The following UBE2E2 variants were observed in gnomAD, a reference collection of about 807,000 sequenced individuals.
The protein encoded by UBE2E2 is ubiquitin conjugating enzyme E2 E2.
In UBE2E2, 6 loss-of-function variants were observed where a neutral mutation model predicts 24.7. The observed-to-expected ratio is 0.24, with a 90% CI of 0.13 to 0.48. UBE2E2 has a LOEUF of 0.48. Among genes scored for constraint, UBE2E2 ranks in the 20% least tolerant of loss-of-function variants. UBE2E2 has a pLI of 0.99. For synonymous variants in UBE2E2, 104 were observed against 83.6 expected (o/e 1.24, Z -1.33); for missense variants, 169 against 245.0 (o/e 0.69, Z 2.07).
intron 4 of UBE2E2, among the ~76,000 whole-genome samples, chr3:23,517,647 T>A (rs1273684997): frequency 1.3e-5 from 2 of 152,230 alleles, no homozygotes; most frequent in Non-Finnish European, 2.9e-5. Context: ...TTGTTCCCTT[T>A]GTAAATAAAC....
intron 3 of UBE2E2, among the ~76,000 whole-genome samples, chr3:23,236,695 G>A (rs1260686717): frequency 6.6e-6 from 1 of 152,102 alleles, no homozygotes; most frequent in Non-Finnish European, 1.5e-5. Context: ...TGAGAAAGCT[G>A]TCAGAAATGT....
intron 5 of UBE2E2, among the ~76,000 whole-genome samples, chr3:23,533,619 A>ATTTTTTTT (rs759984741): frequency 3.1e-4 from 34 of 108,518 alleles, no homozygotes; most frequent in South Asian, 6.4e-4. Context: ...GCAAATTAGT[A>ATTTTTTTT]TTTTTTTTTT....
chr3:23,257,385 C>T (rs1300617757), intron 3 of UBE2E2, among the ~76,000 whole-genome samples: 1 of 151,834 alleles, frequency 6.6e-6, no homozygotes, highest in African/African-American at 2.4e-5. Context: ...ATTTCTGCTT[C>T]TGCCTAAGGG....
At chr3:23,376,114 G>C (rs921476812) in intron 3 of UBE2E2, among the ~76,000 whole-genome samples, 3 of 152,222 alleles carry the variant, frequency 2.0e-5, no homozygotes, top group Admixed American at 2.0e-4. Flanking sequence ...TTAAATGTAT[G>C]TGCCATGTAT....
intron 5 of UBE2E2, among the ~76,000 whole-genome samples, chr3:23,562,072 C>T (rs1695944931): frequency 6.6e-6 from 1 of 152,104 alleles, no homozygotes. Context: ...CTTTCTCCTG[C>T]CTAATTGCCC....
At chr3:23,455,381 T>A (rs1698656028) in intron 3 of UBE2E2, among the ~76,000 whole-genome samples, 1 of 152,216 alleles carries the variant, frequency 6.6e-6, no homozygotes, top group Non-Finnish European at 1.5e-5. Context: ...AAGTGTGCAG[T>A]GACTTTATGT....
At chr3:23,484,414 AG>A (rs1699318524) in intron 3 of UBE2E2, among the ~76,000 whole-genome samples, 1 of 152,232 alleles carries the variant, frequency 6.6e-6, no homozygotes. Flanking sequence ...GGTATAAGAC[AG>A]GGTGAAGAAG....
At position 23,406,654 on chromosome 3, in the gene UBE2E2, G is replaced by C. The variant is rs1575609511; in HGVS notation, c.228-92954G>C. Among the ~76,000 whole-genome samples the C allele has an allele frequency of 2.0e-5, 3 of 152,128 alleles. No homozygotes were observed. In the South Asian group the frequency reaches 6.2e-4, roughly 32 times the overall value. On this transcript the variant is annotated intron_variant, in intron 3 of 5. Coordinates refer to ENST00000396703, the MANE Select transcript of UBE2E2 (RefSeq NM_152653.4). ...AAGATTGAAACTAATAGTTAAAATG[G>C]GTTTTCTAAAAGATTATCTTTGAGG...
At chr3:23,212,108 A>G (rs1696343145) in intron 2 of UBE2E2, among the ~76,000 whole-genome samples, 1 of 152,234 alleles carries the variant, frequency 6.6e-6, no homozygotes, top group Non-Finnish European at 1.5e-5. Context: ...TATAGAATTA[A>G]TAAGCTGGTA....
intron 3 of UBE2E2, among the ~76,000 whole-genome samples, chr3:23,494,012 A>G (rs1390033867): frequency 6.6e-6 from 1 of 152,176 alleles, no homozygotes. Flanking sequence ...ACTAAGACAT[A>G]GAAAAATTAC....
chr3:23,552,639 G>A (rs1695671840), intron 5 of UBE2E2, among the ~76,000 whole-genome samples: 1 of 152,138 alleles, frequency 6.6e-6, no homozygotes, highest in Non-Finnish European at 1.5e-5. Flanking sequence ...ACAGTTGATT[G>A]TCTTTGTACA....
chr3:23,551,009 G>T (rs1695630151), intron 5 of UBE2E2, among the ~76,000 whole-genome samples: 1 of 152,172 alleles, frequency 6.6e-6, no homozygotes, highest in Admixed American at 6.5e-5. Context: ...CATTGCATCT[G>T]CTCTAACAGT....
At chr3:23,521,026 G>T (rs113129521) in intron 4 of UBE2E2, among the ~76,000 whole-genome samples, 4 of 152,044 alleles carry the variant, frequency 2.6e-5, no homozygotes, top group African/African-American at 9.7e-5. Flanking sequence ...ATCACTTCTA[G>T]CTAGTTTGAC....
chr3:23,317,856 T>C (rs755884484), intron 3 of UBE2E2, among the ~76,000 whole-genome samples: 78 of 151,982 alleles, frequency 5.1e-4, no homozygotes, highest in Non-Finnish European at 7.6e-4. Context: ...AAGACCCTCT[T>C]TCTTACCCTT....
intron 3 of UBE2E2, among the ~76,000 whole-genome samples, chr3:23,295,459 C>T (rs1413143517): frequency 6.6e-6 from 1 of 152,144 alleles, no homozygotes; most frequent in Non-Finnish European, 1.5e-5. Context: ...GGTGGGTACA[C>T]AATTAATAAG....
intron 3 of UBE2E2, among the ~76,000 whole-genome samples, chr3:23,487,201 C>T (rs899752431): frequency 6.6e-6 from 1 of 152,214 alleles, no homozygotes; most frequent in Non-Finnish European, 1.5e-5. Flanking sequence ...CGCAGCAGTG[C>T]CCAGGCTCAG....
intron 3 of UBE2E2, among the ~76,000 whole-genome samples, chr3:23,457,218 G>A (rs190611853): frequency 3.9e-5 from 6 of 152,234 alleles, no homozygotes; most frequent in Admixed American, 2.0e-4. Flanking sequence ...TCTGGGCAGG[G>A]ATTTTAGTAT....
intron 3 of UBE2E2, among the ~76,000 whole-genome samples, chr3:23,394,459 G>A (rs544894934): frequency 6.6e-6 from 1 of 152,250 alleles, no homozygotes; most frequent in African/African-American, 2.4e-5. Flanking sequence ...AGTGAACTTT[G>A]GAAATTCTTG....
At position 23,354,949 on chromosome 3, in the gene UBE2E2, A is replaced by G. The variant is rs575215797; in HGVS notation, c.227+137637A>G. ...GCACACGTATGTTTATTGCGGCACT[A>G]TTCACAATAGCAAAGACTTGGAACC... On this transcript the variant is annotated intron_variant, in intron 3 of 5. Transcript: ENST00000396703. 4.2e-3 allele frequency among the ~76,000 whole-genome samples: 642 copies of G among 152,186 alleles called. 1 individual carries two copies. The highest frequency in any genetic ancestry group is 8.1e-3 in the Admixed American group (123 of 15,274).
Sources: allele counts gnomAD v4.1 joint callset (sites outside exome capture counted in the v4.1 genomes callset), GRCh38; gene constraint gnomAD v4.1.1; transcripts MANE v1.5; gene names NCBI Gene and HGNC (gene_info 2026-07-23, HGNC 2026-07-21).